The following OPRM1 variants were observed in gnomAD, a reference collection of about 807,000 sequenced individuals.
The protein encoded by OPRM1 is opioid receptor mu 1.
In OPRM1, 27 loss-of-function variants were observed where a neutral mutation model predicts 31.8. That is an observed-to-expected ratio of 0.85 (90% CI 0.63 to 1.17). The LOEUF is 1.17. OPRM1 is among the 50% of genes most tolerant of loss of function. The pLI is 0.00. For synonymous variants in OPRM1, 196 were observed against 189.9 expected (o/e 1.03, Z -0.26); for missense variants, 536 against 511.1 (o/e 1.05, Z -0.47).
chr6:154,144,417 T>C (rs1798305968), intron 3 of OPRM1, among the ~76,000 whole-genome samples: 1 of 152,160 alleles, frequency 6.6e-6, no homozygotes, highest in Non-Finnish European at 1.5e-5. Flanking sequence ...TTTAACAAAA[T>C]ATTAGCAAAT....
intron 1 of OPRM1, among the ~76,000 whole-genome samples, chr6:154,047,398 AC>A: frequency 6.6e-6 from 1 of 151,956 alleles, no homozygotes; most frequent in Middle Eastern, 3.4e-3. Flanking sequence ...GGAACGCATA[AC>A]CTAAAAGCGT....
intron 3 of OPRM1, among the ~76,000 whole-genome samples, chr6:154,185,699 G>T (rs145637671): frequency 6.6e-6 from 1 of 151,818 alleles, no homozygotes; most frequent in Non-Finnish European, 1.5e-5. Flanking sequence ...GGCTTCCCTC[G>T]GCCACATTAG....
At chr6:154,065,391 A>G (rs1785195471) in intron 1 of OPRM1, among the ~76,000 whole-genome samples, 1 of 151,966 alleles carries the variant, frequency 6.6e-6, no homozygotes, top group African/African-American at 2.4e-5. Flanking sequence ...CTTGTGACCC[A>G]CCTGCTTTGG....
chr6:154,050,252 A>G (rs1158590260), intron 1 of OPRM1, among the ~76,000 whole-genome samples: 2 of 152,154 alleles, frequency 1.3e-5, no homozygotes, highest in Non-Finnish European at 2.9e-5. Flanking sequence ...TATATACTCA[A>G]AACAAAGGAA....
At chr6:154,143,117 C>T (rs76664759) in intron 3 of OPRM1, among the ~76,000 whole-genome samples, 7,697 of 152,250 alleles carry the variant, frequency 0.051, 208 homozygotes, top group Middle Eastern at 0.061. Context: ...CATAGACATA[C>T]ATATATGCAC....
In OPRM1 at chr6:154,139,603, G is replaced by A. The variant is rs1217782062; in HGVS notation, c.1164+48131G>A. On this transcript the variant is annotated intron_variant, in intron 3 of 3. Coordinates refer to the OPRM1 transcript ENST00000337049. The stretch of plus-strand genomic sequence containing the variant: ...CAGAAAAAGCCCCCTGACCTGTGCA[G>A]CCCAGGGACACCTTCTTAGTTTATA... 2.6e-5 allele frequency among the ~76,000 whole-genome samples: 4 copies of A among 152,130 alleles called. No homozygotes were observed. The East Asian group carries it at 7.7e-4, about 29-fold the overall frequency.
chr6:154,168,406 G>A lies in OPRM1; in HGVS notation c.1164+76934G>A, dbSNP rs1469033239. On this transcript the variant is annotated intron_variant, in intron 3 of 3. Coordinates refer to the OPRM1 transcript ENST00000337049. This position sits in a 1 kb window ranked among gnomAD's most constrained non-coding sequence, Gnocchi z 4.1. Reference sequence around the variant, plus strand: ...CAGTATAACTCCAATATTCACATGGGGTGTTCCCTGCATGCATGTCTCTGT... The same window carrying A: ...CAGTATAACTCCAATATTCACATGGAGTGTTCCCTGCATGCATGTCTCTGT... Among the ~76,000 whole-genome samples the A allele has an allele frequency of 6.6e-6, 1 of 151,890 alleles. No homozygotes were observed. The highest frequency in any genetic ancestry group is 1.5e-5 in the Non-Finnish European group (1 of 67,976).
At chr6:154,136,630 C>T (rs558226838), downstream of OPRM1, among the ~76,000 whole-genome samples, 17 of 152,256 alleles carry the variant, frequency 1.1e-4, no homozygotes, top group African/African-American at 3.9e-4. Context: ...CCTGCACTGG[C>T]GCAGCATCCC....
chr6:154,241,328 AC>A (rs1780574964), intron 3 of OPRM1, among the ~76,000 whole-genome samples: 1 of 152,100 alleles, frequency 6.6e-6, no homozygotes, highest in Non-Finnish European at 1.5e-5. Context: ...GCTTCCTTGA[AC>A]TGGTGATGCA....
At chr6:154,026,440 G>A (rs1384310359) in intron 1 of OPRM1, among the ~76,000 whole-genome samples, 1 of 152,024 alleles carries the variant, frequency 6.6e-6, no homozygotes, top group Non-Finnish European at 1.5e-5. Context: ...TTTGCTTAGT[G>A]TTCTATAACC....
chr6:154,058,643 T>C (rs1481586753), intron 1 of OPRM1, among the ~76,000 whole-genome samples: 3 of 152,188 alleles, frequency 2.0e-5, no homozygotes, highest in Non-Finnish European at 4.4e-5. Flanking sequence ...CCTAGCAATG[T>C]GCCTTGGAGA....
At chr6:154,055,284 A>G (rs1036385574) in intron 1 of OPRM1, among the ~76,000 whole-genome samples, 2 of 152,130 alleles carry the variant, frequency 1.3e-5, no homozygotes, top group Non-Finnish European at 2.9e-5. Flanking sequence ...GCTACTTGGG[A>G]GGCTGAGGCA....
At chr6:154,147,175 A>C (rs184455315) in intron 3 of OPRM1, among the ~76,000 whole-genome samples, 1 of 152,338 alleles carries the variant, frequency 6.6e-6, no homozygotes, top group East Asian at 1.9e-4. Flanking sequence ...AGTGGTTAGC[A>C]GCCACCATTC....
At chr6:154,061,768 C>T (rs1784473001) in intron 1 of OPRM1, among the ~76,000 whole-genome samples, 1 of 150,288 alleles carries the variant, frequency 6.7e-6, no homozygotes, top group African/African-American at 2.5e-5. Flanking sequence ...ACTCCAGTGA[C>T]ATGCAATTTA....
chr6:154,082,330 T>G (rs1789351804), intron 1 of OPRM1, among the ~76,000 whole-genome samples: 1 of 152,194 alleles, frequency 6.6e-6, no homozygotes, highest in African/African-American at 2.4e-5. Flanking sequence ...TCCATGTTAT[T>G]TTTCATATTT....
chr6:154,035,234 T>G (rs1045942168), upstream of OPRM1, among the ~76,000 whole-genome samples: 3 of 152,174 alleles, frequency 2.0e-5, no homozygotes, highest in Non-Finnish European at 4.4e-5. Flanking sequence ...TCCGGGGCTT[T>G]CATCCACTTT....
intron 3 of OPRM1, among the ~76,000 whole-genome samples, chr6:154,099,527 G>A (rs1026385904): frequency 2.7e-5 from 4 of 150,792 alleles, no homozygotes; most frequent in South Asian, 2.1e-4. Context: ...ATGAGAGAAA[G>A]AGGAAAGAGA....
chr6:154,100,369 C>A lies in OPRM1; in HGVS notation c.1164+8897C>A, dbSNP rs1323045. ...GTGGTGTGTGCTAAAGGAATACACC[C>A]ATAAATATTAACCCTAACTGGTGTG... On this transcript the variant is annotated intron_variant, in intron 3 of 3. Transcript: ENST00000330432. 4.8e-3 allele frequency among the ~76,000 whole-genome samples: 720 copies of A among 150,954 alleles called. 3 individuals are homozygous for A. The highest frequency in any genetic ancestry group is 0.016 in the African/African-American group (650 of 41,228).
intron 3 of OPRM1, among the ~76,000 whole-genome samples, chr6:154,240,821 G>C (rs1353020371): frequency 2.6e-5 from 4 of 152,172 alleles, no homozygotes; most frequent in African/African-American, 4.8e-5. Context: ...GAAAGCAAAG[G>C]AGAAACACAA....
Sources: gnomAD v4.1 joint callset for allele counts (sites outside exome capture counted in the v4.1 genomes callset) on GRCh38, gnomAD v4.1.1 for gene constraint, Gnocchi (gnomAD v3.1) non-coding constraint, MANE v1.5 for transcripts, NCBI Gene and HGNC (gene_info 2026-07-23, HGNC 2026-07-21) for gene names.